YES1: variants seen among roughly 807,000 people sequenced by gnomAD.
The protein encoded by YES1 is YES proto-oncogene 1, Src family tyrosine kinase.
YES1 carries 39 observed loss-of-function variants against 70.4 expected under a neutral mutation model. That is an observed-to-expected ratio of 0.55 (90% CI 0.43 to 0.72). The LOEUF (loss-of-function observed/expected upper bound fraction) is 0.72, where lower values mean the gene tolerates loss of function less well. Ranked by LOEUF, YES1 falls within the 30% of genes least tolerant of loss-of-function variation. The pLI is 0.00. For missense variants in YES1, 495 were observed against 644.8 expected (o/e 0.77, Z 2.52); for synonymous variants, 198 against 218.6 (o/e 0.91, Z 0.83).
intron 1 of YES1, among the ~76,000 whole-genome samples, chr18:802,218 C>T (rs964913976): frequency 6.6e-6 from 1 of 152,116 alleles, no homozygotes; most frequent in African/African-American, 2.4e-5. Flanking sequence ...CACTGCACTC[C>T]AGCCTGGGCA....
chr18:759,136 G>C (rs190638894), intron 1 of YES1, among the ~76,000 whole-genome samples: 1 of 152,208 alleles, frequency 6.6e-6, no homozygotes, highest in East Asian at 1.9e-4. Flanking sequence ...CTCTTAAATT[G>C]GTATATTCTA....
intron 1 of YES1, among the ~76,000 whole-genome samples, chr18:797,510 A>G (rs976177394): frequency 2.0e-5 from 3 of 152,208 alleles, no homozygotes; most frequent in Non-Finnish European, 4.4e-5. Flanking sequence ...TACTGTTAGA[A>G]GAAAACTAAG....
intron 11 of YES1, among the ~76,000 whole-genome samples, chr18:727,593 T>TCC (rs2080036060): frequency 1.1e-5 from 1 of 95,196 alleles, no homozygotes; most frequent in African/African-American, 4.8e-5. Context: ...GCTTTTTGTC[T>TCC]TCTCTTGTTA....
chr18:779,268 G>GTGGT lies in YES1; in HGVS notation c.-8-22437_-8-22434dup, dbSNP rs777517254. 3.3e-5 allele frequency among the ~76,000 whole-genome samples: 5 copies of GTGGT among 152,036 alleles called. No homozygotes were observed. The East Asian group carries it at 5.8e-4, about 18-fold the overall frequency. On this transcript the variant is annotated intron_variant, in intron 1 of 11. Coordinates refer to ENST00000314574, the MANE Select transcript of YES1 (RefSeq NM_005433.4). ...AAATTTTTTAAATCAGCCAAGCATG[G>GTGGT]TGGTACACACCTGTAGTCCTGGCTA...
intron 1 of YES1, among the ~76,000 whole-genome samples, chr18:811,403 G>A (rs1568225513): frequency 6.6e-6 from 1 of 152,132 alleles, no homozygotes; most frequent in Admixed American, 6.5e-5. Context: ...TCTTAAAACA[G>A]CTCTGCCCCA....
intron 11 of YES1, among the ~76,000 whole-genome samples, chr18:732,448 A>C (rs562976333): frequency 2.9e-4 from 42 of 146,178 alleles, no homozygotes; most frequent in Non-Finnish European, 5.4e-4. Flanking sequence ...AAAAAAAAAA[A>C]AAAAAAAAAC....
intron 9 of YES1, chr18:738,308 T>C (rs1278208579): frequency 6.6e-6 from 1 of 152,166 alleles, no homozygotes; most frequent in Non-Finnish European, 1.5e-5. Context: ...GTTTTCACTA[T>C]ATATTTAAAA....
intron 4 of YES1, among the ~76,000 whole-genome samples, chr18:747,417 C>T (rs552580087): frequency 2.8e-4 from 42 of 152,128 alleles, no homozygotes; most frequent in Admixed American, 1.4e-3. Context: ...TGCAGTGAGC[C>T]GAGATCACGC....
intron 1 of YES1, among the ~76,000 whole-genome samples, chr18:779,872 C>T (rs553345240): frequency 6.6e-6 from 1 of 151,864 alleles, no homozygotes; most frequent in East Asian, 1.9e-4. Flanking sequence ...ACTTTAAAAA[C>T]ATCATCCACT....
At position 756,554 on chromosome 18, in the gene YES1, C is replaced by G; in HGVS notation, c.271+3G>C. 6.2e-7 allele frequency: 1 copy of G among 1,614,062 alleles called. No homozygotes were observed. The highest frequency in any genetic ancestry group is 1.1e-5 in the South Asian group (1 of 91,052). Reference sequence around the variant, plus strand: ...ACAACATAATTGTCCATTTAAATCTCACCTGTTAAACCAGCAGGATATGAA... The same window carrying G: ...ACAACATAATTGTCCATTTAAATCTGACCTGTTAAACCAGCAGGATATGAA... On this transcript the variant is annotated splice_donor_region_variant and intron_variant, in intron 2 of 11. Coordinates refer to ENST00000314574, the MANE Select transcript of YES1 (RefSeq NM_005433.4).
chr18:762,209 A>G (rs1285043797), intron 1 of YES1, among the ~76,000 whole-genome samples: 1 of 152,208 alleles, frequency 6.6e-6, no homozygotes, highest in Non-Finnish European at 1.5e-5. Context: ...AATCTCAGCT[A>G]CTCAGGAGGC....
At chr18:781,932 A>AT (rs953052866) in intron 1 of YES1, among the ~76,000 whole-genome samples, 11 of 152,142 alleles carry the variant, frequency 7.2e-5, no homozygotes, top group South Asian at 2.1e-4. Context: ...CAAAAAGGGG[A>AT]TTTTTTATAA....
At chr18:740,531 G>A (rs1188618404) in intron 8 of YES1, among the ~76,000 whole-genome samples, 1 of 152,168 alleles carries the variant, frequency 6.6e-6, no homozygotes, top group East Asian at 1.9e-4. Context: ...TGGTGGACTG[G>A]TCCAGAGCTA....
intron 1 of YES1, among the ~76,000 whole-genome samples, chr18:793,067 G>A (rs1400726945): frequency 6.9e-6 from 1 of 144,812 alleles, no homozygotes; most frequent in African/African-American, 2.5e-5. Context: ...TTGAGACAGA[G>A]TCTCACTGTG....
At chr18:739,960 T>A in intron 8 of YES1, 149 bp from the exon 9 acceptor site, 1 of 608,876 alleles carries the variant, frequency 1.6e-6, no homozygotes, top group Non-Finnish European at 2.7e-6. Flanking sequence ...TCCAAATAAT[T>A]ATCTAGGTCC....
At chr18:759,163 A>G (rs576086642) in intron 1 of YES1, among the ~76,000 whole-genome samples, 1 of 152,332 alleles carries the variant, frequency 6.6e-6, no homozygotes, top group East Asian at 1.9e-4. Flanking sequence ...TGAGTTAACT[A>G]TAAGCATCAA....
chr18:789,991 G>A (rs1906161412), intron 1 of YES1, among the ~76,000 whole-genome samples: 1 of 152,170 alleles, frequency 6.6e-6, no homozygotes, highest in South Asian at 2.1e-4. Context: ...CAGGGAGGTT[G>A]AGGATGCAGT....
intron 1 of YES1, among the ~76,000 whole-genome samples, chr18:796,430 T>C (rs1236383100): frequency 6.6e-6 from 1 of 152,188 alleles, no homozygotes; most frequent in African/African-American, 2.4e-5. Flanking sequence ...GTTGCTGTTA[T>C]CATGGTTATA....
intron 11 of YES1, among the ~76,000 whole-genome samples, chr18:729,943 A>G (rs1250920649): frequency 1.2e-4 from 18 of 152,214 alleles, no homozygotes; most frequent in Admixed American, 1.2e-3. Flanking sequence ...AACTCTTGAT[A>G]ATCAGTCATC....
Sources: gnomAD v4.1 joint callset for allele counts (sites outside exome capture counted in the v4.1 genomes callset) on GRCh38, gnomAD v4.1.1 for gene constraint, MANE v1.5 for transcripts, NCBI Gene and HGNC (gene_info 2026-07-23, HGNC 2026-07-21) for gene names.